The following IGF1R variants were observed in gnomAD, a reference collection of about 807,000 sequenced individuals.
IGF1R encodes the protein insulin like growth factor 1 receptor, also known as insulin-like growth factor 1 receptor.
In IGF1R, 44 loss-of-function variants were observed where a neutral mutation model predicts 144.6. That is an observed-to-expected ratio of 0.30 (90% CI 0.24 to 0.39). IGF1R has a LOEUF of 0.39. Among genes scored for constraint, IGF1R ranks in the 10% least tolerant of loss-of-function variants. IGF1R has a pLI of 1.00. For missense variants in IGF1R, 1,355 were observed against 1,833.7 expected, an observed-to-expected ratio of 0.74 and a Z score of 4.77; for synonymous variants, 795 against 722.8, an observed-to-expected ratio of 1.10 and a Z score of -1.60.
chr15:98,844,795 C>G (rs1379636237), intron 2 of IGF1R, among the ~76,000 whole-genome samples: 1 of 152,080 alleles, frequency 6.6e-6, no homozygotes, highest in Non-Finnish European at 1.5e-5. Flanking sequence ...TCAATGGGAA[C>G]TTTTTATTTC....
At chr15:98,721,705 A>G (rs767176371) in intron 2 of IGF1R, among the ~76,000 whole-genome samples, 4 of 152,212 alleles carry the variant, frequency 2.6e-5, no homozygotes, top group Admixed American at 1.3e-4. Context: ...AGGTGCAGGA[A>G]TTTTATAAAG....
intron 2 of IGF1R, among the ~76,000 whole-genome samples, chr15:98,740,973 C>T (rs2054725330): frequency 6.6e-6 from 1 of 152,134 alleles, no homozygotes. Context: ...CGGCAAATCT[C>T]AGTTGAGTGT....
intron 2 of IGF1R, among the ~76,000 whole-genome samples, chr15:98,762,135 C>A (rs2055315458): frequency 6.6e-6 from 1 of 152,158 alleles, no homozygotes; most frequent in Admixed American, 6.5e-5. Flanking sequence ...TGTAATCCTG[C>A]ACATGTAGAG....
chr15:98,724,933 A>G (rs2141286425), intron 2 of IGF1R, among the ~76,000 whole-genome samples: 1 of 152,344 alleles, frequency 6.6e-6, no homozygotes, highest in African/African-American at 2.4e-5. Context: ...TTTCTAGGAA[A>G]TAATTTCACC....
intron 1 of IGF1R, among the ~76,000 whole-genome samples, chr15:98,686,586 A>G (rs938873967): frequency 2.0e-5 from 3 of 152,066 alleles, no homozygotes; most frequent in Non-Finnish European, 2.9e-5. Context: ...TATAGTAGCT[A>G]TCCATTCTAA....
intron 19 of IGF1R, among the ~76,000 whole-genome samples, chr15:98,946,397 G>A (rs1395208848): frequency 6.6e-6 from 1 of 152,154 alleles, no homozygotes; most frequent in African/African-American, 2.4e-5. Flanking sequence ...GAACCAGAGG[G>A]TGATTAGAGC....
chr15:98,651,099 A>G lies in IGF1R; in HGVS notation c.94+1424A>G, dbSNP rs1277784894. On this transcript the variant is annotated intron_variant, in intron 1 of 20. Coordinates refer to ENST00000650285, the MANE Select transcript of IGF1R (RefSeq NM_000875.5). ...GCGTGTTGGTGAGTAATGGTTGCCG[A>G]GGGTATGCAGGTGGTGCCGATTAAC... 5.1e-6 allele frequency: 5 copies of G among 979,974 alleles called. No homozygotes were observed. In the Admixed American group the frequency reaches 3.1e-4, roughly 60 times the overall value. 60.7% of individuals were successfully genotyped at this position (979,974 alleles called of 1,614,324 possible).
intron 1 of IGF1R, among the ~76,000 whole-genome samples, chr15:98,654,126 T>G (rs1337964246): frequency 2.6e-5 from 4 of 152,240 alleles, no homozygotes; most frequent in African/African-American, 9.6e-5. Flanking sequence ...AAAATATTTC[T>G]GTAGACTTAG....
In IGF1R at chr15:98,935,554, A is replaced by G; in HGVS notation, c.3297+128A>G. On this transcript the variant is annotated intron_variant, in intron 17 of 20. Coordinates refer to ENST00000650285, the MANE Select transcript of IGF1R (RefSeq NM_000875.5). This position sits in a 1 kb window ranked among gnomAD's most constrained non-coding sequence, Gnocchi z 4.2. ...TCCAGCATCCAGTGTTTCTTACTGCATGCTCAGTTGTAGGTCATTTATGCA... is the reference window on the plus strand; with the variant it reads ...TCCAGCATCCAGTGTTTCTTACTGCGTGCTCAGTTGTAGGTCATTTATGCA... The G allele has an allele frequency of 5.5e-6, 4 of 726,560 alleles. No individual in the cohort carries two copies. In the South Asian group the frequency reaches 6.0e-5, roughly 11 times the overall value. The allele number at this position is 726,560 out of a possible 1,614,324, so 45.0% of individuals were successfully genotyped here.
intron 1 of IGF1R, among the ~76,000 whole-genome samples, chr15:98,696,861 G>A (rs935063298): frequency 1.3e-5 from 2 of 152,188 alleles, no homozygotes; most frequent in African/African-American, 4.8e-5. Flanking sequence ...GGGCTGGTGG[G>A]CAGAGGTTCC....
intron 2 of IGF1R, among the ~76,000 whole-genome samples, chr15:98,872,854 A>G (rs1006770872): frequency 6.9e-6 from 1 of 143,998 alleles, no homozygotes; most frequent in African/African-American, 2.4e-5. Context: ...AAAAAAAAAA[A>G]CAAAACAGAC....
chr15:98,886,402 T>C (rs1381580277), intron 2 of IGF1R, among the ~76,000 whole-genome samples: 1 of 152,244 alleles, frequency 6.6e-6, no homozygotes, highest in Admixed American at 6.5e-5. Context: ...ATGTTAGCTT[T>C]TCCAACAGTT....
chr15:98,698,015 G>A (rs903705476), intron 1 of IGF1R, among the ~76,000 whole-genome samples: 1 of 148,024 alleles, frequency 6.8e-6, no homozygotes, highest in African/African-American at 2.5e-5. Context: ...GATTACAGGC[G>A]TGAGCCGCCG....
At chr15:98,737,102 C>G (rs781595699) in intron 2 of IGF1R, among the ~76,000 whole-genome samples, 1 of 152,124 alleles carries the variant, frequency 6.6e-6, no homozygotes, top group East Asian at 1.9e-4. Flanking sequence ...GAGAGGGACA[C>G]CCCCTCTACA....
chr15:98,852,197 C>A (rs1202419633), intron 2 of IGF1R, among the ~76,000 whole-genome samples: 1 of 152,216 alleles, frequency 6.6e-6, no homozygotes, highest in Non-Finnish European at 1.5e-5. Flanking sequence ...TGCAAGTCAG[C>A]AGTTCTGGCG....
At chr15:98,674,977 AT>A (rs71149408) in intron 1 of IGF1R, among the ~76,000 whole-genome samples, 9,070 of 98,622 alleles carry the variant, frequency 0.092, 332 homozygotes, top group African/African-American at 0.23. Flanking sequence ...GTATTTTACA[AT>A]TTTTTTTTTT....
intron 2 of IGF1R, among the ~76,000 whole-genome samples, chr15:98,881,994 C>T (rs183645074): frequency 3.8e-4 from 58 of 152,224 alleles, no homozygotes; most frequent in Non-Finnish European, 8.8e-5. Flanking sequence ...AACAAGAAGA[C>T]CTGGAACTTC....
At chr15:98,776,510 ACTT>A (rs2055720078) in intron 2 of IGF1R, among the ~76,000 whole-genome samples, 1 of 152,142 alleles carries the variant, frequency 6.6e-6, no homozygotes, top group Admixed American at 6.5e-5. Context: ...TAAAAAAGAA[ACTT>A]ACTAGTTATC....
chr15:98,905,066 A>G (rs1459058759), intron 5 of IGF1R, among the ~76,000 whole-genome samples: 1 of 152,230 alleles, frequency 6.6e-6, no homozygotes, highest in Non-Finnish European at 1.5e-5. Flanking sequence ...TTTTGCCCAG[A>G]GGGGTTCCTC....
Sources: allele counts gnomAD v4.1 joint callset (sites outside exome capture counted in the v4.1 genomes callset), GRCh38; gene constraint gnomAD v4.1.1; non-coding constraint Gnocchi (gnomAD v3.1); transcripts MANE v1.5; gene names NCBI Gene and HGNC (gene_info 2026-07-23, HGNC 2026-07-21).